Variants in RSF1 observed in about 807,000 individuals in gnomAD.
RSF1 encodes remodeling and spacing factor 1.
A neutral mutation model predicts 145.2 loss-of-function variants in RSF1; 13 were observed. That is an observed-to-expected ratio of 0.09 (90% confidence interval 0.06 to 0.14). The LOEUF (loss-of-function observed/expected upper bound fraction) is 0.14. Among genes scored for constraint, RSF1 ranks in the 10% least tolerant of loss-of-function variants. RSF1 has a pLI of 1.00. For synonymous variants in RSF1, 577 were observed against 592.6 expected, an observed-to-expected ratio of 0.97 and a Z score of 0.38; for missense variants, 1,517 against 1,718.2, an observed-to-expected ratio of 0.88 and a Z score of 2.07.
intron 9 of RSF1, among the ~76,000 whole-genome samples, chr11:77,689,583 T>C (rs1960096595): frequency 6.6e-6 from 1 of 152,234 alleles, no homozygotes; most frequent in African/African-American, 2.4e-5. Context: ...TTGCTTTTAA[T>C]ATATCTCCAC....
intron 3 of RSF1, among the ~76,000 whole-genome samples, chr11:77,745,458 T>C (rs1162283268): frequency 6.6e-6 from 1 of 152,130 alleles, no homozygotes; most frequent in Non-Finnish European, 1.5e-5. Context: ...AGTTCTGGCA[T>C]GTTGACTTTC....
At position 77,667,083 on chromosome 11, in the gene RSF1, G is replaced by A. The variant is rs1309822446; in HGVS notation, c.4160C>T (p.Pro1387Leu). ...CTTGGGGGTCTGAGACTTCTCAGTA[G>A]GCTTGCCAATCAAGTTCTCAATGGC... ...GKAIENLIGK[P>L]TEKSQTPKDN... Residue 1387 changes from proline (P) to leucine (L), a missense_variant, in exon 16 of 16, where the codon CCT becomes CTT. Pro to Leu is a moderately conservative substitution (Grantham distance 98). Around this residue, in one of 12 missense-constraint regions of RSF1, gnomAD observed 240 missense variants for 231.8 expected, o/e 1.04. Transcript: ENST00000308488. 4 of 1,614,052 alleles carry A rather than the reference G, an allele frequency of 2.5e-6. No individual in the cohort carries two copies. The highest frequency in any genetic ancestry group is 3.4e-6 in the Non-Finnish European group (4 of 1,180,040).
At chr11:77,814,211 G>GAAGT (rs71046911) in intron 1 of RSF1, among the ~76,000 whole-genome samples, 2 of 147,258 alleles carry the variant, frequency 1.4e-5, no homozygotes, top group Non-Finnish European at 3.0e-5. Context: ...AAAAAAAAAA[G>GAAGT]TTTTGGCCAC....
At chr11:77,835,515 C>T in the RSF1 span, among the ~76,000 whole-genome samples, 5 of 152,220 alleles carry the variant, frequency 3.3e-5, 1 homozygote, top group South Asian at 6.2e-4. Context: ...TCATCTTCCT[C>T]GTTGATACTC....
chr11:77,808,586 T>G (rs1271068861), intron 1 of RSF1, among the ~76,000 whole-genome samples: 3 of 103,906 alleles, frequency 2.9e-5, no homozygotes, highest in Non-Finnish European at 5.1e-5. Flanking sequence ...CAGGCTGGAG[T>G]GCAGTGGCGG....
At chr11:77,830,478 A>C in the RSF1 span, among the ~76,000 whole-genome samples, 21 of 105,524 alleles carry the variant, frequency 2.0e-4, no homozygotes, top group South Asian at 4.0e-4. Flanking sequence ...GACGACACCC[A>C]CCCCCCACCC....
At chr11:77,781,696 T>C (rs1238457172) in intron 1 of RSF1, among the ~76,000 whole-genome samples, 1 of 152,256 alleles carries the variant, frequency 6.6e-6, no homozygotes, top group Admixed American at 6.5e-5. Context: ...AATAATATCA[T>C]TTATTGACAA....
At chr11:77,815,486 A>C (rs1948772970) in intron 1 of RSF1, among the ~76,000 whole-genome samples, 1 of 152,226 alleles carries the variant, frequency 6.6e-6, no homozygotes, top group Non-Finnish European at 1.5e-5. Flanking sequence ...TCTTCCTTGA[A>C]TACATGATTC....
At chr11:77,760,163 A>G (rs1948157541) in intron 2 of RSF1, among the ~76,000 whole-genome samples, 1 of 152,188 alleles carries the variant, frequency 6.6e-6, no homozygotes, top group African/African-American at 2.4e-5. Context: ...ATAGACAACA[A>G]AGTGGGAAAC....
intron 11 of RSF1, among the ~76,000 whole-genome samples, chr11:77,679,073 C>G (rs1327552220): frequency 1.3e-5 from 2 of 152,178 alleles, no homozygotes; most frequent in Non-Finnish European, 2.9e-5. Context: ...AACTACTCAA[C>G]TCTGCTATTG....
At chr11:77,749,948 C>T (rs1948043921) in intron 2 of RSF1, among the ~76,000 whole-genome samples, 1 of 152,024 alleles carries the variant, frequency 6.6e-6, no homozygotes, top group Admixed American at 6.6e-5. Flanking sequence ...GAGGTTTCAC[C>T]ATATTGGCCA....
chr11:77,846,215 T>G, the RSF1 span, among the ~76,000 whole-genome samples: 3 of 152,366 alleles, frequency 2.0e-5, no homozygotes, highest in East Asian at 5.8e-4. Flanking sequence ...TGAGATTTCT[T>G]TACATTGCTG....
intron 14 of RSF1, among the ~76,000 whole-genome samples, chr11:77,673,721 A>G (rs1959617612): frequency 6.6e-6 from 1 of 152,214 alleles, no homozygotes; most frequent in African/African-American, 2.4e-5. Context: ...AATTCCCACA[A>G]ATTACTTATT....
chr11:77,750,470 CTTCTT>C (rs1443553897), intron 2 of RSF1, among the ~76,000 whole-genome samples: 5 of 152,148 alleles, frequency 3.3e-5, no homozygotes, highest in Non-Finnish European at 7.4e-5. Flanking sequence ...AAATATTATT[CTTCTT>C]TTGAGTTTTT....
chr11:77,762,871 G>C (rs1948189588), intron 2 of RSF1: 1 of 152,150 alleles, frequency 6.6e-6, no homozygotes, highest in Non-Finnish European at 1.5e-5. Flanking sequence ...CAAGGAGAAA[G>C]ACGAGAGCAC....
intron 5 of RSF1, among the ~76,000 whole-genome samples, chr11:77,719,599 T>TA (rs1960897722): frequency 6.6e-6 from 1 of 152,192 alleles, no homozygotes; most frequent in African/African-American, 2.4e-5. Context: ...CAACTTCATT[T>TA]AAAAAATCAG....
At chr11:77,728,631 G>C (rs575875060) in intron 4 of RSF1, among the ~76,000 whole-genome samples, 1 of 151,844 alleles carries the variant, frequency 6.6e-6, no homozygotes, top group Non-Finnish European at 1.5e-5. Context: ...ACGGGAGAAG[G>C]GAAGGGAAGG....
intron 1 of RSF1, among the ~76,000 whole-genome samples, chr11:77,802,550 A>T (rs1274508130): frequency 6.7e-6 from 1 of 150,324 alleles, no homozygotes; most frequent in African/African-American, 2.4e-5. Flanking sequence ...TAATTAATTA[A>T]TTTTTTTTTT....
intron 1 of RSF1, among the ~76,000 whole-genome samples, chr11:77,776,452 T>C (rs1400640782): frequency 1.3e-5 from 2 of 152,184 alleles, no homozygotes; most frequent in Non-Finnish European, 2.9e-5. Flanking sequence ...TTAACATTCA[T>C]TTGACAAGCA....
Sources: allele counts gnomAD v4.1 joint callset (sites outside exome capture counted in the v4.1 genomes callset), GRCh38; gene constraint gnomAD v4.1.1; regional missense constraint gnomAD v4.1.1; transcripts MANE v1.5; gene names NCBI Gene and HGNC (gene_info 2026-07-23, HGNC 2026-07-21).